The following LCTL variants were observed in gnomAD, a reference collection of about 807,000 sequenced individuals.
LCTL encodes lactase-like protein.
In LCTL, 76 loss-of-function variants were observed where a neutral mutation model predicts 75.8. That is an observed-to-expected ratio of 1.00 (90% CI 0.83 to 1.21). The LOEUF (loss-of-function observed/expected upper bound fraction) is 1.21, where lower values mean the gene tolerates loss of function less well. Ranked by LOEUF, LCTL falls within the 50% of genes most tolerant of loss-of-function variation. The pLI is 0.00. For synonymous variants in LCTL, 271 were observed against 268.8 expected (o/e 1.01, Z -0.08); for missense variants, 670 against 712.4 (o/e 0.94, Z 0.68).
exon 9 of LCTL, chr15:66,553,054 C>A: frequency 1.1e-5 from 17 of 1,598,132 alleles, no homozygotes; most frequent in Non-Finnish European, 1.4e-5. Flanking sequence ...CAGATCTGGC[C>A]AGTTTGGGTC....
intron 6 of LCTL, among the ~76,000 whole-genome samples, chr15:66,559,373 A>G (rs935421874): frequency 2.0e-5 from 3 of 152,180 alleles, no homozygotes; most frequent in Admixed American, 2.0e-4. Context: ...GAATCATGGT[A>G]TTGTCTGATG....
At chr15:66,562,021 C>T (rs1460796435) in intron 4 of LCTL, among the ~76,000 whole-genome samples, 6 of 152,106 alleles carry the variant, frequency 3.9e-5, no homozygotes, top group East Asian at 1.9e-4. Context: ...CTTTGCCATG[C>T]GCCCTCCAAT....
At chr15:66,560,839 G>A (rs970090639) in intron 6 of LCTL, among the ~76,000 whole-genome samples, 167 bp downstream of exon 7, 22 of 152,126 alleles carry the variant, frequency 1.4e-4, no homozygotes, top group Non-Finnish European at 1.0e-4. Flanking sequence ...GTCCCCCAGC[G>A]CCCTGAATGA....
chr15:66,556,373 C>T (rs900037192), intron 8 of LCTL, among the ~76,000 whole-genome samples: 2 of 152,062 alleles, frequency 1.3e-5, no homozygotes, highest in African/African-American at 4.8e-5. Flanking sequence ...GGCGAGATCT[C>T]GGCCCACTGC....
intron 8 of LCTL, among the ~76,000 whole-genome samples, chr15:66,553,886 T>C (rs769874067): frequency 3.3e-5 from 5 of 152,118 alleles, no homozygotes; most frequent in Non-Finnish European, 7.3e-5. Flanking sequence ...CCGGGTGCAA[T>C]GGCTCACGCC....
chr15:66,558,291 G>A (rs576896392), intron 6 of LCTL, among the ~76,000 whole-genome samples: 1 of 152,282 alleles, frequency 6.6e-6, no homozygotes, highest in African/African-American at 2.4e-5. Flanking sequence ...TTTTGCTAAA[G>A]TTTCCTGTTT....
At chr15:66,564,408 C>G in intron 2 of LCTL, 1 of 491,740 alleles carries the variant, frequency 2.0e-6, no homozygotes, top group Non-Finnish European at 3.6e-6. Flanking sequence ...CTTCAGCTCC[C>G]CCTTCACTTG....
chr15:66,555,724 C>A (rs1054881403), intron 8 of LCTL, among the ~76,000 whole-genome samples: 3 of 152,068 alleles, frequency 2.0e-5, no homozygotes, highest in Non-Finnish European at 2.9e-5. Flanking sequence ...AATCAAGACA[C>A]TAGCAACAGA....
At chr15:66,564,375 G>A in intron 2 of LCTL, 2 of 470,574 alleles carry the variant, frequency 4.3e-6, no homozygotes, top group Admixed American at 7.4e-5. Context: ...GTGGCTGTAG[G>A]CCCTGAGGCT....
chr15:66,552,781 AT>A (rs1234474123), intron 9 of LCTL, among the ~76,000 whole-genome samples: 1 of 152,144 alleles, frequency 6.6e-6, no homozygotes, highest in East Asian at 1.9e-4. Flanking sequence ...TGGGATATGA[AT>A]TTTTTAGCTA....
Position 66,561,084 on chromosome 15 carries a change from G to A in LCTL, c.627C>T (p.Gly209=). The A allele has an allele frequency of 6.2e-7, 1 of 1,614,176 alleles. No homozygotes were observed. The highest frequency in any genetic ancestry group is 8.5e-7 in the Non-Finnish European group (1 of 1,180,038). Residue 209 remains glycine (G), a synonymous_variant, in exon 6 of 13, where the codon GGC becomes GGT. Coordinates refer to ENST00000341509, the Ensembl canonical transcript of LCTL. ...CCGGCGCATGGTGGCCCGTCTCATA[G>A]CCTTTTTCTGCCATTGCCTATAGGG...
chr15:66,547,929 G>C (rs188356002), exon 13 of LCTL: 8 of 152,690 alleles, frequency 5.2e-5, no homozygotes, highest in African/African-American at 1.7e-4. Flanking sequence ...TGGGATTACA[G>C]GTGCCCGCCA....
rs567382942 is a variant in LCTL, at chr15:66,548,575, G to A, written c.1619C>T (p.Thr540Met). The change falls in exon 13 of 13, where the codon ACG (threonine) becomes ATG (methionine). Residue 540 changes from threonine (T) to methionine (M), a missense_variant. By Grantham distance (81) the Thr-to-Met change is moderately conservative. Transcript: ENST00000341509. ...GCAGACAGTGGGTACCACGATCTCC[G>A]TAACCATTTGCATGTGACTTAGCAA... 154 of 1,611,472 alleles carry A rather than the reference G, an allele frequency of 9.6e-5. No homozygotes were observed. The South Asian group carries it at 1.4e-3, about 14-fold the overall frequency.
intron 8 of LCTL, among the ~76,000 whole-genome samples, chr15:66,554,526 G>A (rs1389081019): frequency 6.6e-6 from 1 of 152,184 alleles, no homozygotes; most frequent in Non-Finnish European, 1.5e-5. Context: ...GGCCAGTGAT[G>A]GTATGTCCTA....
At chr15:66,563,842 G>A in intron 3 of LCTL, 69 bp downstream of exon 4, 7 of 1,234,862 alleles carry the variant, frequency 5.7e-6, no homozygotes, top group Non-Finnish European at 6.0e-6. Context: ...GGACTCTGTG[G>A]TGCCCCTGCA....
intron 8 of LCTL, among the ~76,000 whole-genome samples, chr15:66,557,233 G>T (rs546523734): frequency 6.6e-6 from 1 of 152,266 alleles, no homozygotes; most frequent in South Asian, 2.1e-4. Flanking sequence ...TTTTTAGGTA[G>T]AATTTTCTGT....
In LCTL at chr15:66,557,897, A is replaced by G; in HGVS notation, c.761-14T>C. The G allele has an allele frequency of 6.2e-7, 1 of 1,613,302 alleles. No individual in the cohort carries two copies. The highest frequency in any genetic ancestry group is 1.1e-5 in the South Asian group (1 of 91,002). On this transcript the variant is annotated splice_polypyrimidine_tract_variant and intron_variant, in intron 7 of 12. Coordinates refer to ENST00000341509, the Ensembl canonical transcript of LCTL. ...TTCCCACCAGACCTTAAAAGAAAAG[A>G]AAGAAAAGGGAGTGGGGAGTGGGCA... is the stretch of plus-strand genomic sequence containing the variant.
chr15:66,551,645 T>C lies in LCTL; in HGVS notation c.1524+17A>G, dbSNP rs1895603084. On this transcript the variant is annotated intron_variant, in intron 11 of 12. Coordinates refer to ENST00000341509, the Ensembl canonical transcript of LCTL. ...TTCCTAAAGTTCAGAACAGATAACA[T>C]TGATAATGAGGCCTACCTCTCTTGG... The C allele has an allele frequency of 3.1e-6, 5 of 1,602,118 alleles. No individual in the cohort carries two copies. Among genetic ancestry groups the C allele is most frequent in the South Asian group, 1.1e-5 (1 of 90,732 alleles).
intron 8 of LCTL, among the ~76,000 whole-genome samples, chr15:66,555,531 ACT>A (rs1567059663): frequency 6.6e-6 from 1 of 152,022 alleles, no homozygotes; most frequent in African/African-American, 2.4e-5. Context: ...ACAGAGCGAG[ACT>A]CTGTCTCAAA....
Sources: allele counts gnomAD v4.1 joint callset (sites outside exome capture counted in the v4.1 genomes callset), GRCh38; gene constraint gnomAD v4.1.1; transcripts MANE v1.5; gene names NCBI Gene and HGNC (gene_info 2026-07-23, HGNC 2026-07-21).